SF3B2: variants seen among roughly 807,000 people sequenced by gnomAD.
SF3B2 encodes splicing factor 3b subunit 2, also known as SAP 145.
A neutral mutation model predicts 116.3 loss-of-function variants in SF3B2; 22 were observed. The ratio of observed to expected loss-of-function variants is 0.19; its 90% CI spans 0.14 to 0.27. The LOEUF (loss-of-function observed/expected upper bound fraction) is 0.27, where lower values mean the gene tolerates loss of function less well. Ranked by LOEUF, SF3B2 falls within the 10% of genes least tolerant of loss-of-function variation. SF3B2 has a pLI of 1.00. For missense variants in SF3B2, 767 were observed against 1,151.4 expected (o/e 0.67, Z 4.83); for synonymous variants, 406 against 421.6 (o/e 0.96, Z 0.45).
intron 7 of SF3B2, among the ~76,000 whole-genome samples, 153 bp from the exon 8 acceptor site, chr11:66,057,901 G>C (rs1857029344): frequency 1.3e-5 from 2 of 151,406 alleles, no homozygotes; most frequent in South Asian, 4.2e-4. Flanking sequence ...GAACCTGGGA[G>C]GCGGAGGTTG....
In SF3B2 at chr11:66,059,450, G is replaced by T; in HGVS notation, c.1321-65G>T. ...ACAGAGCTTTGGTGGCTTAAGGTTG[G>T]GGTGGGTTGGGCAGTTTCATTCACA... On this transcript the variant is annotated intron_variant, in intron 11 of 21. Coordinates refer to ENST00000322535, the MANE Select transcript of SF3B2 (RefSeq NM_006842.3). The surrounding 1 kb of genome is among the most constrained non-coding windows in gnomAD (Gnocchi z 5.0). 1 of 1,608,480 alleles carries T rather than the reference G, an allele frequency of 6.2e-7. No homozygotes were observed. Among genetic ancestry groups the T allele is most frequent in the Non-Finnish European group, 8.5e-7 (1 of 1,175,092 alleles).
rs568048134 is a variant in SF3B2 at position 66,062,262 on chromosome 11, A to G, written c.1977+264A>G. ...GATGAAAGCAAGTCACAATTTTACC[A>G]CTCAGAAATAGCCAAATTCACTGTT... On this transcript the variant is annotated intron_variant, in intron 16 of 21. Coordinates refer to ENST00000322535, the MANE Select transcript of SF3B2 (RefSeq NM_006842.3). Among the ~76,000 whole-genome samples the G allele has an allele frequency of 3.3e-5, 5 of 152,318 alleles. No individual in the cohort carries two copies. The East Asian group carries it at 9.6e-4, about 29-fold the overall frequency.
chr11:66,061,190 A>C (rs897446632), intron 14 of SF3B2, among the ~76,000 whole-genome samples: 2 of 152,170 alleles, frequency 1.3e-5, no homozygotes, highest in African/African-American at 4.8e-5. Flanking sequence ...ATGAGGCTCT[A>C]TTTGGAGGAG....
chr11:66,067,934 T>C lies in SF3B2; in HGVS notation c.2331-12T>C. ...CCTTGCTTTTTGGGCCTGATCCCAT[T>C]GTCCTTCGCAGAAGTGAGACACCTC... is the stretch of plus-strand genomic sequence containing the variant. On this transcript the variant is annotated splice_polypyrimidine_tract_variant and intron_variant, in intron 19 of 21. Coordinates refer to ENST00000322535, the MANE Select transcript of SF3B2 (RefSeq NM_006842.3). 6.2e-7 allele frequency: 1 copy of C among 1,611,216 alleles called. No homozygotes were observed. The highest frequency in any genetic ancestry group is 8.5e-7 in the Non-Finnish European group (1 of 1,178,698).
intron 7 of SF3B2, among the ~76,000 whole-genome samples, chr11:66,057,655 A>G (rs780395958): frequency 9.9e-5 from 15 of 152,090 alleles, no homozygotes; most frequent in Non-Finnish European, 1.9e-4. Context: ...CAGCCTTTCT[A>G]GTCCAAGAGG....
At chr11:66,063,851 G>A in intron 19 of SF3B2, 122 bp downstream of exon 19, 2 of 737,496 alleles carry the variant, frequency 2.7e-6, no homozygotes. Context: ...TCTCTGCCAG[G>A]CACTACTGTA....
intron 16 of SF3B2, 25 bp downstream of exon 16, chr11:66,062,023 C>G: frequency 6.4e-7 from 1 of 1,557,906 alleles, no homozygotes; most frequent in Non-Finnish European, 8.8e-7. Flanking sequence ...TTCGTTCATT[C>G]TTGGCCATTT....
chr11:66,055,692 T>C (rs1347312302), intron 5 of SF3B2, 107 bp downstream of exon 5: 1 of 962,826 alleles, frequency 1.0e-6, no homozygotes, highest in Non-Finnish European at 1.6e-6. Flanking sequence ...TACTTTGTTC[T>C]CAACTAAGTT....
chr11:66,060,499 A>T, intron 13 of SF3B2, 83 bp from the exon 14 acceptor site: 1 of 1,514,480 alleles, frequency 6.6e-7, no homozygotes, highest in Non-Finnish European at 9.1e-7. Flanking sequence ...GCTTCCCATG[A>T]TCTCATTTGG....
At chr11:66,060,079 G>A in intron 13 of SF3B2, 70 bp downstream of exon 13, 1 of 1,428,256 alleles carries the variant, frequency 7.0e-7, no homozygotes, top group Non-Finnish European at 9.7e-7. Context: ...GCTTCAAAAT[G>A]GGAATCTGGT....
Position 66,056,819 on chromosome 11 carries a change from TCC to T in SF3B2, c.550-17_550-16del, listed in dbSNP as rs776804182. ...AAATGCGTTTTCAGGCAGTATCTAC[TCC>T]CACTTCCCTCCCGTAGGCAGCTGTG... is the stretch of plus-strand genomic sequence containing the variant. On this transcript the variant is annotated splice_polypyrimidine_tract_variant and intron_variant, in intron 5 of 21. Transcript: ENST00000322535. 1.9e-6 allele frequency: 3 copies of T among 1,597,268 alleles called. No individual in the cohort carries two copies. In the African/African-American group the frequency reaches 4.0e-5, roughly 21 times the overall value.
chr11:66,057,921 G>A (rs538043163), intron 7 of SF3B2, 133 bp from the exon 8 acceptor site: 7 of 649,310 alleles, frequency 1.1e-5, no homozygotes, highest in South Asian at 8.6e-5. Context: ...GTGGTGGGCC[G>A]AGATCGCGCC....
Position 66,059,068 on chromosome 11 carries a change from A to T in SF3B2, c.1182+23A>T. The T allele has an allele frequency of 6.2e-7, 1 of 1,611,604 alleles. No individual in the cohort carries two copies. The highest frequency in any genetic ancestry group is 1.1e-5 in the South Asian group (1 of 90,994). ...AAGGTACAAGGAGAGCACACTAGGA[A>T]GGGGCAGTGCCAAACAGGGAAGGGG... On this transcript the variant is annotated intron_variant, in intron 10 of 21. Transcript: ENST00000322535. The surrounding 1 kb of genome is among the most constrained non-coding windows in gnomAD (Gnocchi z 5.0).
In SF3B2 at chr11:66,059,003, G is replaced by A. The variant is rs1857054209; in HGVS notation, c.1140G>A (p.Glu380=). ...TGACTGAAGAACCTGAAATTTACGAGCCCAACTTTATCTTCTTTAAGAGGA... is the reference window on the plus strand; with the variant it reads ...TGACTGAAGAACCTGAAATTTACGAACCCAACTTTATCTTCTTTAAGAGGA... ...EYVTEEPEIY[E]PNFIFFKRIF... Residue 380 remains glutamate, a synonymous_variant, in exon 10 of 22, where the codon GAG becomes GAA. Transcript: ENST00000322535. This position sits in a 1 kb window ranked among gnomAD's most constrained non-coding sequence, Gnocchi z 5.0. 6.2e-7 allele frequency: 1 copy of A among 1,614,008 alleles called. No homozygotes were observed. The highest frequency in any genetic ancestry group is 1.3e-5 in the African/African-American group (1 of 74,900).
rs375100864 is a variant in SF3B2, at chr11:66,056,834, G to A, written c.550-4G>A. On this transcript the variant is annotated splice_region_variant and splice_polypyrimidine_tract_variant and intron_variant, in intron 5 of 21. Coordinates refer to ENST00000322535, the MANE Select transcript of SF3B2 (RefSeq NM_006842.3). ...CAGTATCTACTCCCACTTCCCTCCC[G>A]TAGGCAGCTGTGTTACTGGAGCAGG... is the stretch of plus-strand genomic sequence containing the variant. 116 of 1,612,160 alleles carry A rather than the reference G, an allele frequency of 7.2e-5. No individual in the cohort carries two copies. The highest frequency in any genetic ancestry group is 9.0e-5 in the Non-Finnish European group (106 of 1,178,490).
At chr11:66,062,331 C>T (rs1857112515) in intron 16 of SF3B2, among the ~76,000 whole-genome samples, 1 of 151,916 alleles carries the variant, frequency 6.6e-6, no homozygotes, top group African/African-American at 2.4e-5. Flanking sequence ...TTAAGAATGA[C>T]CAGAGAGAAA....
Position 66,068,297 on chromosome 11 carries a change from C to T in SF3B2, c.2580C>T (p.Phe860=). 1 of 1,613,638 alleles carries T rather than the reference C, an allele frequency of 6.2e-7. No homozygotes were observed. Among genetic ancestry groups the T allele is most frequent in the Non-Finnish European group, 8.5e-7 (1 of 1,179,942 alleles). Residue 860 remains phenylalanine, a synonymous_variant, in exon 21 of 22, where the codon TTC becomes TTT. Transcript: ENST00000322535. ...EQQAQVEKED[F]SDMVAEHAAK... The stretch of plus-strand genomic sequence containing the variant: ...AGGCTCAAGTAGAGAAGGAGGACTT[C>T]AGTGACATGGTGGCTGAGCACGCTG...
chr11:66,055,436 C>A, intron 4 of SF3B2, 99 bp from the exon 5 acceptor site: 1 of 1,594,484 alleles, frequency 6.3e-7, no homozygotes, highest in Non-Finnish European at 8.6e-7. Context: ...AAGATTGGAA[C>A]ATGGGCCCTT....
chr11:66,058,969 T>A lies in SF3B2; in HGVS notation c.1106T>A (p.Ile369Asn). 2 of 1,614,030 alleles carry A rather than the reference T, an allele frequency of 1.2e-6. No individual in the cohort carries two copies. Among genetic ancestry groups the A allele is most frequent in the Non-Finnish European group, 1.7e-6 (2 of 1,179,994 alleles). ...GSDSPAADVE[I>N]EYVTEEPEIY... is the part of the protein sequence containing the mutation. Reference sequence around the variant, plus strand: ...GATTCCCCAGCAGCTGATGTTGAGATTGAGTATGTGACTGAAGAACCTGAA... The same window carrying A: ...GATTCCCCAGCAGCTGATGTTGAGAATGAGTATGTGACTGAAGAACCTGAA... The change falls in exon 10 of 22, where the codon ATT (isoleucine) becomes AAT (asparagine). Residue 369 changes from isoleucine (I) to asparagine (N), a missense_variant. Physicochemically the swap from Ile to Asn is moderately radical, Grantham distance 149 (BLOSUM62 -3). This residue lies in a region of SF3B2 where 455 missense variants were observed against 537.5 expected (regional missense o/e 0.85). Transcript: ENST00000322535.
Sources: gnomAD v4.1 joint callset for allele counts (sites outside exome capture counted in the v4.1 genomes callset) on GRCh38, gnomAD v4.1.1 for gene constraint, gnomAD v4.1.1 regional missense constraint, Gnocchi (gnomAD v3.1) non-coding constraint, MANE v1.5 for transcripts, NCBI Gene and HGNC (gene_info 2026-07-23, HGNC 2026-07-21) for gene names.